Variants in SLC14A2 observed in about 807,000 individuals in gnomAD.
The protein encoded by SLC14A2 is solute carrier family 14 member 2.
Under a neutral mutation model 104.6 loss-of-function variants are expected in SLC14A2, and 91 were observed. The observed-to-expected ratio is 0.87, with a 90% CI of 0.73 to 1.04. The LOEUF is 1.04. Ranked by LOEUF, SLC14A2 falls within the 50% of genes least tolerant of loss-of-function variation. SLC14A2 has a pLI of 0.00. For missense variants in SLC14A2, 1,189 were observed against 1,156.0 expected, an observed-to-expected ratio of 1.03 and a Z score of -0.41; for synonymous variants, 476 against 466.4, an observed-to-expected ratio of 1.02 and a Z score of -0.27.
At chr18:45,624,872 G>A in intron 2 of SLC14A2, 58 bp downstream of exon 2, 1 of 1,521,770 alleles carries the variant, frequency 6.6e-7, no homozygotes, top group Non-Finnish European at 8.9e-7. Flanking sequence ...AAAAGTGGGG[G>A]CAAAAGATGC....
chr18:45,526,162 A>T (rs909339599), intron 2 of SLC14A2, among the ~76,000 whole-genome samples: 1 of 152,224 alleles, frequency 6.6e-6, no homozygotes, highest in Middle Eastern at 3.2e-3. Flanking sequence ...GAAAGTCTTT[A>T]GTGCAGCGTA....
chr18:45,301,240 T>C (rs1027200412), intron 1 of SLC14A2, among the ~76,000 whole-genome samples: 3 of 152,208 alleles, frequency 2.0e-5, no homozygotes, highest in Non-Finnish European at 2.9e-5. Context: ...GGTCATGTAA[T>C]GGATTTAGTA....
At chr18:45,456,394 C>T (rs1333691272) in intron 1 of SLC14A2, among the ~76,000 whole-genome samples, 1 of 152,236 alleles carries the variant, frequency 6.6e-6, no homozygotes, top group Non-Finnish European at 1.5e-5. Flanking sequence ...CCATTTTATG[C>T]TGGCTGTTAG....
At chr18:45,637,266 T>C in intron 6 of SLC14A2, 84 bp downstream of exon 6, 1 of 1,068,158 alleles carries the variant, frequency 9.4e-7, no homozygotes, top group South Asian at 1.5e-5. Flanking sequence ...CTATCCATGC[T>C]CTCAACTTCT....
In SLC14A2 at chr18:45,667,816, C is replaced by A; in HGVS notation, c.1718-17C>A. The stretch of plus-strand genomic sequence containing the variant: ...ACACTGAGCACTTGCCTACTTCCTG[C>A]CCCGGTTCCATTTCAGACAAGTCCC... On this transcript the variant is annotated splice_polypyrimidine_tract_variant and intron_variant, in intron 13 of 19. Transcript: ENST00000255226. The A allele has an allele frequency of 1.9e-6, 3 of 1,610,888 alleles. No homozygotes were observed. Among genetic ancestry groups the A allele is most frequent in the Non-Finnish European group, 2.5e-6 (3 of 1,177,176 alleles).
chr18:45,349,090 C>T (rs1451823667), intron 1 of SLC14A2, among the ~76,000 whole-genome samples: 1 of 152,134 alleles, frequency 6.6e-6, no homozygotes, highest in African/African-American at 2.4e-5. Context: ...TGGAGTTTCA[C>T]CATGTTCTGC....
At chr18:45,391,115 T>C (rs1004150532) in intron 1 of SLC14A2, among the ~76,000 whole-genome samples, 2 of 152,056 alleles carry the variant, frequency 1.3e-5, no homozygotes, top group South Asian at 2.1e-4. Context: ...GTGTGTGATG[T>C]TCCCCTTCCT....
At chr18:45,571,024 AATGAC>A (rs2044337969) in intron 2 of SLC14A2, among the ~76,000 whole-genome samples, 1 of 152,208 alleles carries the variant, frequency 6.6e-6, no homozygotes, top group African/African-American at 2.4e-5. Flanking sequence ...ACTTTGGAGA[AATGAC>A]ATGTCATTAA....
At chr18:45,214,038 G>A (rs930042596) in intron 1 of SLC14A2, among the ~76,000 whole-genome samples, 1 of 152,184 alleles carries the variant, frequency 6.6e-6, no homozygotes, top group African/African-American at 2.4e-5. Flanking sequence ...GGTAGGAAAA[G>A]GGTATGCAAG....
intron 1 of SLC14A2, among the ~76,000 whole-genome samples, chr18:45,220,034 T>A (rs917027595): frequency 1.3e-5 from 2 of 152,240 alleles, no homozygotes; most frequent in African/African-American, 4.8e-5. Context: ...GTGACCATGC[T>A]ACTTTGTTTT....
chr18:45,477,330 T>C (rs1188102011), intron 1 of SLC14A2, among the ~76,000 whole-genome samples: 2 of 152,202 alleles, frequency 1.3e-5, no homozygotes, highest in Non-Finnish European at 2.9e-5. Context: ...ACAGCAAAGA[T>C]TGCTGCCTGT....
chr18:45,454,113 C>T (rs1598843158), intron 1 of SLC14A2, among the ~76,000 whole-genome samples: 1 of 152,260 alleles, frequency 6.6e-6, no homozygotes, highest in Admixed American at 6.5e-5. Context: ...CCACCTCGGC[C>T]TCCCATAGTG....
intron 1 of SLC14A2, among the ~76,000 whole-genome samples, chr18:45,317,395 G>A (rs2144230605): frequency 6.6e-6 from 1 of 152,294 alleles, no homozygotes; most frequent in East Asian, 1.9e-4. Context: ...AGTGAAGCTT[G>A]TAGTCCACTG....
At chr18:45,514,958 A>G (rs2043417006) in intron 2 of SLC14A2, among the ~76,000 whole-genome samples, 1 of 152,226 alleles carries the variant, frequency 6.6e-6, no homozygotes, top group South Asian at 2.1e-4. Flanking sequence ...TAGAAATGCA[A>G]GTACCAAGTT....
rs79003497 is a variant in SLC14A2, at chr18:45,427,285, C to T, written c.-124-55948C>T. Reference sequence around the variant, plus strand: ...GAAAGGGAAAAAAAAAAGGACTCTCCTGGAAATCAGGAGGCCTGGCTCTCA... The same window carrying T: ...GAAAGGGAAAAAAAAAAGGACTCTCTTGGAAATCAGGAGGCCTGGCTCTCA... On this transcript the variant is annotated intron_variant, in intron 1 of 20. Coordinates refer to the SLC14A2 transcript ENST00000586448. Among the ~76,000 whole-genome samples, 1,113 of 152,178 alleles carry T rather than the reference C, an allele frequency of 7.3e-3. 19 individuals are homozygous for T. The highest frequency in any genetic ancestry group is 0.072 in the South Asian group (346 of 4,820).
In SLC14A2 at chr18:45,387,809, C is replaced by T. The variant is rs192713793; in HGVS notation, c.-124-95424C>T. Among the ~76,000 whole-genome samples, 221 of 152,248 alleles carry T rather than the reference C, an allele frequency of 1.5e-3. 1 individual carries two copies. Among genetic ancestry groups the T allele is most frequent in the Non-Finnish European group, 2.5e-3 (173 of 68,018 alleles). On this transcript the variant is annotated intron_variant, in intron 1 of 20. Coordinates refer to the SLC14A2 transcript ENST00000586448. ...TCAGGAAACTGATTCACACACTAAACAGCATTTACACATGAAACAGCTGGA... is the reference window on the plus strand; with the variant it reads ...TCAGGAAACTGATTCACACACTAAATAGCATTTACACATGAAACAGCTGGA...
intron 1 of SLC14A2, among the ~76,000 whole-genome samples, chr18:45,257,657 T>C (rs2084493574): frequency 6.6e-6 from 1 of 152,208 alleles, no homozygotes; most frequent in Non-Finnish European, 1.5e-5. Context: ...ATCAGTATAT[T>C]GGAGATTTCC....
intron 2 of SLC14A2, among the ~76,000 whole-genome samples, chr18:45,536,780 G>C (rs1451480314): frequency 6.6e-6 from 1 of 152,124 alleles, no homozygotes; most frequent in Non-Finnish European, 1.5e-5. Flanking sequence ...AAAATATCCA[G>C]ATTTGTCACA....
At chr18:45,289,150 G>C (rs1430454248) in intron 1 of SLC14A2, among the ~76,000 whole-genome samples, 2 of 152,196 alleles carry the variant, frequency 1.3e-5, no homozygotes, top group Non-Finnish European at 2.9e-5. Context: ...GGCTGGGTAT[G>C]CTGCCCATCA....
Sources: gnomAD v4.1 joint callset for allele counts (sites outside exome capture counted in the v4.1 genomes callset) on GRCh38, gnomAD v4.1.1 for gene constraint, MANE v1.5 for transcripts, NCBI Gene and HGNC (gene_info 2026-07-23, HGNC 2026-07-21) for gene names.